The following EXOC4 variants were observed in gnomAD, a reference collection of about 807,000 sequenced individuals.
The protein encoded by EXOC4 is exocyst complex component 4, also known as SEC8-like 1.
In EXOC4, 71 loss-of-function variants were observed where a neutral mutation model predicts 107.2. The observed-to-expected ratio is 0.66, with a 90% CI of 0.55 to 0.81. The LOEUF (loss-of-function observed/expected upper bound fraction) is 0.81, where lower values mean the gene tolerates loss of function less well. EXOC4 is among the 30% of genes least tolerant of loss of function. EXOC4 has a pLI of 0.00. For missense variants in EXOC4, 1,108 were observed against 1,189.6 expected (o/e 0.93, Z 1.01); for synonymous variants, 456 against 441.2 (o/e 1.03, Z -0.42).
chr7:133,328,350 C>T (rs899702780), intron 5 of EXOC4, among the ~76,000 whole-genome samples: 2 of 152,026 alleles, frequency 1.3e-5, no homozygotes, highest in Non-Finnish European at 2.9e-5. Context: ...TTCCTGAATA[C>T]AGCACACTGC....
At chr7:134,034,077 A>AG (rs1563099078) in intron 17 of EXOC4, among the ~76,000 whole-genome samples, 2 of 152,124 alleles carry the variant, frequency 1.3e-5, no homozygotes. Flanking sequence ...TCGTGTCTAA[A>AG]AGAGACTTGA....
At chr7:133,471,580 C>T (rs559313939) in intron 7 of EXOC4, among the ~76,000 whole-genome samples, 97 of 152,288 alleles carry the variant, frequency 6.4e-4, no homozygotes, top group Middle Eastern at 3.4e-3. Flanking sequence ...AAAAATTACA[C>T]CCATCCTTTT....
chr7:133,580,716 C>T (rs991421413), intron 9 of EXOC4, among the ~76,000 whole-genome samples: 1 of 152,182 alleles, frequency 6.6e-6, no homozygotes, highest in Non-Finnish European at 1.5e-5. Flanking sequence ...TTAATACCTC[C>T]CGCACATATG....
chr7:133,339,587 G>C (rs1795611329), intron 5 of EXOC4, among the ~76,000 whole-genome samples: 1 of 152,100 alleles, frequency 6.6e-6, no homozygotes, highest in South Asian at 2.1e-4. Flanking sequence ...TGAATTTGTA[G>C]ATCACTTTTG....
In EXOC4 at chr7:133,404,904, GCACA is replaced by G. The variant is rs35757786; in HGVS notation, c.1182+29919_1182+29922del. On this transcript the variant is annotated intron_variant, in intron 7 of 17. Coordinates refer to ENST00000253861, the MANE Select transcript of EXOC4 (RefSeq NM_021807.4). ...CCCCAATACACACACACACACACAC[GCACA>G]CACACACACACACACATTAGTTGGG... 6.7e-4 allele frequency among the ~76,000 whole-genome samples: 75 copies of G among 111,184 alleles called. 1 individual carries two copies. Among genetic ancestry groups the G allele is most frequent in the South Asian group, 2.9e-3 (8 of 2,760 alleles). The allele number at this position is 111,184 out of a possible 152,430, so 72.9% of individuals were successfully genotyped here. A position where few individuals can be genotyped will look rare whatever the true frequency, so the allele number is the denominator to read the frequency against.
rs199909009 is a variant in EXOC4 at position 133,895,587 on chromosome 7, G to T, written c.1735-12G>T. The T allele has an allele frequency of 1.1e-4, 177 of 1,613,028 alleles. No individual in the cohort carries two copies. The Middle Eastern group carries it at 1.3e-3, about 12-fold the overall frequency. ...AGAAATCTCATATCCTCTCTTTGTT[G>T]TTCATTTCCAGAGCACAATCATTGT... On this transcript the variant is annotated splice_polypyrimidine_tract_variant and intron_variant, in intron 11 of 17. Transcript: ENST00000253861.
chr7:133,862,423 C>T (rs986708664), intron 11 of EXOC4, among the ~76,000 whole-genome samples: 2 of 151,954 alleles, frequency 1.3e-5, no homozygotes, highest in African/African-American at 4.8e-5. Context: ...GCAGAGGTTG[C>T]AGTGAGCTGA....
At chr7:133,794,223 A>G (rs948087273) in intron 10 of EXOC4, among the ~76,000 whole-genome samples, 8 of 152,104 alleles carry the variant, frequency 5.3e-5, no homozygotes, top group Admixed American at 1.3e-4. Context: ...CTTTATCCCT[A>G]GTTGGAGAAA....
chr7:134,063,336 C>T (rs1384124685), intron 17 of EXOC4, among the ~76,000 whole-genome samples: 1 of 152,218 alleles, frequency 6.6e-6, no homozygotes, highest in Non-Finnish European at 1.5e-5. Flanking sequence ...TTCTCCTCCT[C>T]TGCTATTAAC....
At chr7:133,694,719 A>G (rs905672772) in intron 10 of EXOC4, among the ~76,000 whole-genome samples, 1 of 152,220 alleles carries the variant, frequency 6.6e-6, no homozygotes, top group African/African-American at 2.4e-5. Context: ...TGTTGGGAAC[A>G]TTCAGATTCT....
chr7:133,334,195 A>G (rs1321522424), intron 5 of EXOC4, among the ~76,000 whole-genome samples: 5 of 152,160 alleles, frequency 3.3e-5, no homozygotes, highest in Non-Finnish European at 7.4e-5. Context: ...CTATAACACA[A>G]AGCACTCAGG....
intron 7 of EXOC4, among the ~76,000 whole-genome samples, chr7:133,440,360 C>A (rs772050706): frequency 1.3e-5 from 2 of 152,004 alleles, no homozygotes; most frequent in Non-Finnish European, 2.9e-5. Flanking sequence ...CCACCCCCAC[C>A]CCCCCATTAC....
intron 9 of EXOC4, among the ~76,000 whole-genome samples, chr7:133,627,075 C>T (rs555994010): frequency 1.3e-5 from 2 of 152,146 alleles, no homozygotes; most frequent in African/African-American, 4.8e-5. Context: ...AGTTACATTC[C>T]TGGTGGGAAA....
intron 6 of EXOC4, among the ~76,000 whole-genome samples, chr7:133,370,917 C>T (rs1205592012): frequency 6.6e-6 from 1 of 152,162 alleles, no homozygotes; most frequent in African/African-American, 2.4e-5. Flanking sequence ...TTTCACTTTG[C>T]AGACGGGGAC....
intron 10 of EXOC4, among the ~76,000 whole-genome samples, chr7:133,791,359 G>T (rs188457111): frequency 1.3e-5 from 2 of 152,330 alleles, no homozygotes; most frequent in East Asian, 3.9e-4. Flanking sequence ...AGTGTAGCAT[G>T]TATTGTATGC....
chr7:134,039,159 T>C (rs1191248181), intron 17 of EXOC4, among the ~76,000 whole-genome samples: 2 of 152,080 alleles, frequency 1.3e-5, no homozygotes, highest in African/African-American at 4.8e-5. Flanking sequence ...TAATGATCAA[T>C]AGATATAGAT....
chr7:133,708,258 G>A (rs1207983661), intron 10 of EXOC4, among the ~76,000 whole-genome samples: 1 of 152,168 alleles, frequency 6.6e-6, no homozygotes, highest in Non-Finnish European at 1.5e-5. Flanking sequence ...TGAAGAATTT[G>A]AGGCATTTAT....
rs111878222 is a variant in EXOC4 at position 133,546,008 on chromosome 7, G to A, written c.1417+65870G>A. Among the ~76,000 whole-genome samples the A allele has an allele frequency of 1.6e-3, 245 of 152,232 alleles. 1 individual carries two copies. The highest frequency in any genetic ancestry group is 5.7e-3 in the African/African-American group (238 of 41,544). On this transcript the variant is annotated intron_variant, in intron 9 of 17. Transcript: ENST00000253861. ...TTGGAATGGATTCTAGTCTAGATAT[G>A]ATTTAACCAATCCAGAGGAGAGTGA...
At chr7:133,660,177 A>ATTT (rs34121830) in intron 10 of EXOC4, among the ~76,000 whole-genome samples, 1 of 148,416 alleles carries the variant, frequency 6.7e-6, no homozygotes, top group African/African-American at 2.5e-5. Flanking sequence ...GTTTTCATTA[A>ATTT]TTTTTTTTTT....
Sources: allele counts gnomAD v4.1 joint callset (sites outside exome capture counted in the v4.1 genomes callset), GRCh38; gene constraint gnomAD v4.1.1; transcripts MANE v1.5; gene names NCBI Gene and HGNC (gene_info 2026-07-23, HGNC 2026-07-21).